GRIP1: variants seen among roughly 807,000 people sequenced by gnomAD.
GRIP1 encodes glutamate receptor interacting protein 1, also known as glutamate receptor-interacting protein 1.
Under a neutral mutation model 129.9 loss-of-function variants are expected in GRIP1, and 45 were observed. That is an observed-to-expected ratio of 0.35 (90% CI 0.27 to 0.44). The LOEUF (loss-of-function observed/expected upper bound fraction) is 0.44, where lower values mean the gene tolerates loss of function less well. Ranked by LOEUF, GRIP1 falls within the 20% of genes least tolerant of loss-of-function variation. GRIP1 has a pLI of 1.00. For synonymous variants in GRIP1, 530 were observed against 520.8 expected (o/e 1.02, Z -0.24); for missense variants, 1,196 against 1,396.8 (o/e 0.86, Z 2.29).
intron 23 of GRIP1, among the ~76,000 whole-genome samples, chr12:66,358,837 GAGA>G (rs2054613836): frequency 6.6e-6 from 1 of 152,202 alleles, no homozygotes; most frequent in Non-Finnish European, 1.5e-5. Context: ...GGGAAAAAAT[GAGA>G]AGGAGGCTAG....
At chr12:66,675,650 G>A (rs149819885) in intron 1 of GRIP1, among the ~76,000 whole-genome samples, 279 of 152,220 alleles carry the variant, frequency 1.8e-3, no homozygotes, top group African/African-American at 6.3e-3. Context: ...AAACCCTTTT[G>A]TCAGATGTCT....
At chr12:66,398,532 CAG>C (rs2056876081) in intron 16 of GRIP1, among the ~76,000 whole-genome samples, 1 of 152,000 alleles carries the variant, frequency 6.6e-6, no homozygotes. Context: ...AAGCTTGGCT[CAG>C]AGTCTCATCC....
At position 67,012,001 on chromosome 12, in the gene GRIP1, C is replaced by A. The variant is rs574916040; in HGVS notation, c.58+57049G>T. 8.5e-5 allele frequency among the ~76,000 whole-genome samples: 13 copies of A among 152,310 alleles called. No individual in the cohort carries two copies. The South Asian group carries it at 2.1e-3, about 24-fold the overall frequency. ...AGTCTACAGATCTCTGTACTAGACT[C>A]TAAGCTGCAGGAAGGCAGGGACAAG... On this transcript the variant is annotated intron_variant, in intron 1 of 1. Transcript: ENST00000643019.
chr12:66,531,248 A>G (rs2061439229), intron 4 of GRIP1, among the ~76,000 whole-genome samples: 1 of 55,646 alleles, frequency 1.8e-5, no homozygotes, highest in Non-Finnish European at 3.3e-5. Context: ...AAAAAAAAAA[A>G]AAAAATATAT....
At chr12:66,541,276 C>T (rs369792460) in intron 3 of GRIP1, among the ~76,000 whole-genome samples, 19 of 152,206 alleles carry the variant, frequency 1.2e-4, no homozygotes, top group Admixed American at 9.2e-4. Flanking sequence ...GTGAGACCTC[C>T]TCCTCTAAGC....
At chr12:66,730,529 G>A (rs2036399640) in intron 1 of GRIP1, among the ~76,000 whole-genome samples, 1 of 151,940 alleles carries the variant, frequency 6.6e-6, no homozygotes, top group Non-Finnish European at 1.5e-5. Context: ...ATAATTATCT[G>A]TCCAAAAAAG....
intron 10 of GRIP1, 52 bp from the exon 11 acceptor site, chr12:66,455,616 C>A: frequency 6.4e-7 from 1 of 1,550,952 alleles, no homozygotes; most frequent in Admixed American, 1.7e-5. Context: ...AGGTGTGAGC[C>A]CGCCACACTT....
At chr12:66,452,663 A>G (rs937483531) in intron 11 of GRIP1, among the ~76,000 whole-genome samples, 2 of 152,172 alleles carry the variant, frequency 1.3e-5, no homozygotes, top group African/African-American at 4.8e-5. Flanking sequence ...CCTGGTTGCT[A>G]TAGAAACATA....
intron 2 of GRIP1, among the ~76,000 whole-genome samples, chr12:66,544,153 T>C (rs1280146103): frequency 1.3e-5 from 2 of 152,222 alleles, no homozygotes; most frequent in African/African-American, 2.4e-5. Context: ...AAAATATAAA[T>C]TCATCGATCT....
chr12:66,969,924 C>T (rs1235048536), intron 1 of GRIP1, among the ~76,000 whole-genome samples: 1 of 152,114 alleles, frequency 6.6e-6, no homozygotes, highest in Non-Finnish European at 1.5e-5. Flanking sequence ...TTACATCACC[C>T]CTCTGTTCTT....
intron 1 of GRIP1, among the ~76,000 whole-genome samples, chr12:66,715,305 C>T (rs1036259788): frequency 1.3e-5 from 2 of 151,870 alleles, no homozygotes; most frequent in African/African-American, 4.8e-5. Context: ...GTCTCATGGT[C>T]CTGCTCTCCC....
chr12:66,938,142 C>A (rs1227797335), intron 1 of GRIP1, among the ~76,000 whole-genome samples: 1 of 152,090 alleles, frequency 6.6e-6, no homozygotes, highest in Non-Finnish European at 1.5e-5. Context: ...CTTTGGGAGG[C>A]CAAGGCAGGC....
chr12:66,850,741 T>C (rs983126030), intron 1 of GRIP1, among the ~76,000 whole-genome samples: 13 of 151,730 alleles, frequency 8.6e-5, no homozygotes, highest in Non-Finnish European at 1.8e-4. Context: ...AAAGTAAATA[T>C]ATTTATTTAC....
chr12:66,790,921 A>G (rs934295222), intron 1 of GRIP1, among the ~76,000 whole-genome samples: 4 of 152,176 alleles, frequency 2.6e-5, no homozygotes, highest in African/African-American at 9.7e-5. Flanking sequence ...GAAGGTATCA[A>G]AGAGAGGCTG....
intron 1 of GRIP1, among the ~76,000 whole-genome samples, chr12:66,687,206 T>C (rs1377333035): frequency 6.6e-6 from 1 of 152,206 alleles, no homozygotes. Context: ...ATTAACATAA[T>C]TATCTTTTCT....
At position 67,040,121 on chromosome 12, in the gene GRIP1, G is replaced by T. The variant is rs181397065; in HGVS notation, c.58+28929C>A. Reference sequence around the variant, plus strand: ...TAGTGTTTCAGGTAAGACCACAAAGGCCTCTATGCCTTTTTCACCTACTTT... The same window carrying T: ...TAGTGTTTCAGGTAAGACCACAAAGTCCTCTATGCCTTTTTCACCTACTTT... On this transcript the variant is annotated intron_variant, in intron 1 of 1. Coordinates refer to the GRIP1 transcript ENST00000643019. 3.3e-5 allele frequency among the ~76,000 whole-genome samples: 5 copies of T among 152,144 alleles called. No homozygotes were observed. In the East Asian group the frequency reaches 5.8e-4, roughly 18 times the overall value.
At chr12:66,796,895 C>T (rs1676470555) in intron 1 of GRIP1, among the ~76,000 whole-genome samples, 1 of 152,100 alleles carries the variant, frequency 6.6e-6, no homozygotes, top group Non-Finnish European at 1.5e-5. Context: ...TGAGCCAGTT[C>T]AAATAATTTC....
At chr12:66,948,160 T>C (rs77835680) in intron 1 of GRIP1, among the ~76,000 whole-genome samples, 17,558 of 152,244 alleles carry the variant, frequency 0.12, 1,305 homozygotes, top group African/African-American at 0.21. Flanking sequence ...ATTCAAAGAA[T>C]GATCTAGAAA....
chr12:66,946,295 A>C (rs1274886303), intron 1 of GRIP1, among the ~76,000 whole-genome samples: 1 of 152,194 alleles, frequency 6.6e-6, no homozygotes, highest in African/African-American at 2.4e-5. Flanking sequence ...TGTCTTATCA[A>C]ATCAATTCCA....
Sources: allele counts gnomAD v4.1 joint callset (sites outside exome capture counted in the v4.1 genomes callset), GRCh38; gene constraint gnomAD v4.1.1; transcripts MANE v1.5; gene names NCBI Gene and HGNC (gene_info 2026-07-23, HGNC 2026-07-21).